Variants in MAP2K5 observed in about 807,000 individuals in gnomAD.
The protein encoded by MAP2K5 is mitogen-activated protein kinase kinase 5.
In MAP2K5, 49 loss-of-function variants were observed where a neutral mutation model predicts 83.1. That is an observed-to-expected ratio of 0.59 (90% CI 0.47 to 0.75). MAP2K5 has a LOEUF of 0.75. Among genes scored for constraint, MAP2K5 ranks in the 30% least tolerant of loss-of-function variants. The pLI, the probability that MAP2K5 is intolerant of heterozygous loss-of-function variation, is 0.00. For synonymous variants in MAP2K5, 202 were observed against 191.8 expected, an observed-to-expected ratio of 1.05 and a Z score of -0.44; for missense variants, 457 against 557.5, an observed-to-expected ratio of 0.82 and a Z score of 1.82.
chr15:67,639,266 C>G (rs2086663339), intron 9 of MAP2K5, among the ~76,000 whole-genome samples: 1 of 152,202 alleles, frequency 6.6e-6, no homozygotes, highest in Non-Finnish European at 1.5e-5. Context: ...CCTTACACCA[C>G]TCTAATCCAG....
Position 67,676,089 on chromosome 15 carries a change from AG to A in MAP2K5, c.847+11445del, listed in dbSNP as rs1304836009. On this transcript the variant is annotated intron_variant, in intron 13 of 21. Transcript: ENST00000178640. The surrounding 1 kb of genome is among the most constrained non-coding windows in gnomAD (Gnocchi z 4.8). ...AGTCTCTATAGTATCCATTAGGGTA[AG>A]CTTCTATCCAACCACCCAGCAAGAT... Among the ~76,000 whole-genome samples the A allele has an allele frequency of 2.6e-5, 4 of 152,156 alleles. No homozygotes were observed. Among genetic ancestry groups the A allele is most frequent in the African/African-American group, 9.7e-5 (4 of 41,428 alleles).
rs2090310565 is a variant in MAP2K5, at chr15:67,780,449, G to A, written c.1242+7697G>A. Among the ~76,000 whole-genome samples, 2 of 152,124 alleles carry A rather than the reference G, an allele frequency of 1.3e-5. No individual in the cohort carries two copies. Among genetic ancestry groups the A allele is most frequent in the Non-Finnish European group, 2.9e-5 (2 of 68,030 alleles). On this transcript the variant is annotated intron_variant, in intron 21 of 21. Coordinates refer to ENST00000178640, the MANE Select transcript of MAP2K5 (RefSeq NM_145160.3). This position sits in a 1 kb window ranked among gnomAD's most constrained non-coding sequence, Gnocchi z 5.0. ...CTGTCATTTAGGCAAAACAGTGTTG[G>A]TTGCACATGCTATTCTCTCTAATCC... is the stretch of plus-strand genomic sequence containing the variant.
Position 67,555,000 on chromosome 15 carries a change from T to C in MAP2K5, c.184+4918T>C, listed in dbSNP as rs111760319. 9.7e-3 allele frequency among the ~76,000 whole-genome samples: 1,485 copies of C among 152,334 alleles called. 30 individuals are homozygous for C. The highest frequency in any genetic ancestry group is 0.034 in the African/African-American group (1,422 of 41,566). ...AGGGGGTCAAACCTGAGGAGCTGTA[T>C]TCTTTCTGATTTCTTTTTCTGGGTG... On this transcript the variant is annotated intron_variant, in intron 2 of 21. Coordinates refer to ENST00000178640, the MANE Select transcript of MAP2K5 (RefSeq NM_145160.3).
chr15:67,761,856 A>T (rs1023864807), intron 19 of MAP2K5, among the ~76,000 whole-genome samples: 1 of 152,150 alleles, frequency 6.6e-6, no homozygotes, highest in Non-Finnish European at 1.5e-5. Flanking sequence ...TTTAATCAGC[A>T]CTTCTGTAGA....
chr15:67,662,915 T>G (rs1372951528), intron 12 of MAP2K5, among the ~76,000 whole-genome samples: 1 of 152,190 alleles, frequency 6.6e-6, no homozygotes, highest in Non-Finnish European at 1.5e-5. Flanking sequence ...CATTCTTTCC[T>G]GCCCCAATAT....
chr15:67,645,609 A>C (rs1230798530), intron 9 of MAP2K5, among the ~76,000 whole-genome samples: 2 of 152,188 alleles, frequency 1.3e-5, no homozygotes, highest in African/African-American at 4.8e-5. Flanking sequence ...GTGGGAGTGC[A>C]GAGGTGCAGT....
At position 67,802,417 on chromosome 15, in the gene MAP2K5, C is replaced by T. The variant is rs2090722610; in HGVS notation, c.1243-4229C>T. ...CACCTCCCGACTCTCCCCTGTGTCC[C>T]ACTTTTGGAGTCATCCTGCCTCTGG... On this transcript the variant is annotated intron_variant, in intron 21 of 21. Transcript: ENST00000178640. The surrounding 1 kb of genome is among the most constrained non-coding windows in gnomAD (Gnocchi z 5.0). Among the ~76,000 whole-genome samples, 1 of 152,256 alleles carries T rather than the reference C, an allele frequency of 6.6e-6. No individual in the cohort carries two copies. The highest frequency in any genetic ancestry group is 2.4e-5 in the African/African-American group (1 of 41,456).
In MAP2K5 at chr15:67,714,413, G is replaced by GAAAAAAAAA. The variant is rs2088777375; in HGVS notation, c.1044+11005_1044+11006insAAAAAAAAA. Among the ~76,000 whole-genome samples the GAAAAAAAAA allele has an allele frequency of 2.1e-4, 9 of 42,682 alleles. 4 individuals carry two copies. Among genetic ancestry groups the GAAAAAAAAA allele is most frequent in the African/African-American group, 7.1e-4 (9 of 12,740 alleles). 28.0% of individuals were successfully genotyped at this position (42,682 alleles called of 152,430 possible). ...CCCCCCACCCCTACCCAGCTGCCAG[G>GAAAAAAAAA]GAAAAAAAAAAAAAAAAAAAAAAAA... On this transcript the variant is annotated intron_variant, in intron 16 of 21. Coordinates refer to ENST00000178640, the MANE Select transcript of MAP2K5 (RefSeq NM_145160.3).
At chr15:67,549,377 C>T (rs2084462826) in intron 1 of MAP2K5, among the ~76,000 whole-genome samples, 1 of 152,210 alleles carries the variant, frequency 6.6e-6, no homozygotes, top group Non-Finnish European at 1.5e-5. Context: ...TTTTCTGTTG[C>T]TTAAGAGTAA....
chr15:67,590,460 T>C, intron 6 of MAP2K5, among the ~76,000 whole-genome samples: 1 of 109,344 alleles, frequency 9.1e-6, no homozygotes, highest in African/African-American at 3.4e-5. Flanking sequence ...TCTCTCTCTC[T>C]CTCTCTCTCT....
At chr15:67,789,398 C>A (rs996471762) in intron 21 of MAP2K5, among the ~76,000 whole-genome samples, 1 of 152,050 alleles carries the variant, frequency 6.6e-6, no homozygotes, top group African/African-American at 2.4e-5. Flanking sequence ...AGATTTTAAT[C>A]TTTGCCAACC....
At chr15:67,632,709 A>G (rs796619533) in intron 9 of MAP2K5, among the ~76,000 whole-genome samples, 2 of 152,222 alleles carry the variant, frequency 1.3e-5, no homozygotes, top group South Asian at 4.1e-4. Flanking sequence ...TAACAGTTGC[A>G]TAGTATATAT....
intron 15 of MAP2K5, 41 bp downstream of exon 15, chr15:67,693,609 C>A: frequency 7.3e-7 from 1 of 1,378,676 alleles, no homozygotes; most frequent in Non-Finnish European, 1.0e-6. Flanking sequence ...AAACCAACAT[C>A]TTTATCTTTA....
At chr15:67,707,268 TA>T (rs1235342210) in intron 16 of MAP2K5, among the ~76,000 whole-genome samples, 1 of 152,166 alleles carries the variant, frequency 6.6e-6, no homozygotes, top group African/African-American at 2.4e-5. Context: ...CTGAAGGGAT[TA>T]GGAAGTTAGT....
intron 8 of MAP2K5, among the ~76,000 whole-genome samples, chr15:67,601,434 G>A (rs1043644724): frequency 1.3e-5 from 2 of 152,126 alleles, no homozygotes; most frequent in South Asian, 4.1e-4. Flanking sequence ...GTCTGCAATG[G>A]TGTATGAAAA....
chr15:67,574,527 G>A (rs1317263986), intron 3 of MAP2K5, among the ~76,000 whole-genome samples: 3 of 151,226 alleles, frequency 2.0e-5, no homozygotes, highest in East Asian at 3.9e-4. Context: ...AGCCAGGATC[G>A]CACCATTGCA....
chr15:67,640,534 C>T lies in MAP2K5; in HGVS notation c.586-5697C>T. The T allele has an allele frequency of 1.0e-6, 1 of 975,968 alleles. No individual in the cohort carries two copies. The highest frequency in any genetic ancestry group is 4.7e-5 in the South Asian group (1 of 21,084). 60.5% of individuals were successfully genotyped at this position (975,968 alleles called of 1,614,324 possible). ...TGTCACAGAGGATTGTGAAGAGCAG[C>T]AAATCACAGTCCTTGTCCAAACTGA... On this transcript the variant is annotated intron_variant, in intron 9 of 21. Transcript: ENST00000178640. The surrounding 1 kb of genome is among the most constrained non-coding windows in gnomAD (Gnocchi z 4.6).
intron 11 of MAP2K5, among the ~76,000 whole-genome samples, chr15:67,653,428 A>G (rs7165255): frequency 0.99 from 150,915 of 152,086 alleles, 74,894 homozygotes; most frequent in Non-Finnish European, 1. Flanking sequence ...TGGGATTACA[A>G]GCACCCAGCT....
At chr15:67,659,016 C>A (rs963687482) in intron 12 of MAP2K5, 6 of 280,392 alleles carry the variant, frequency 2.1e-5, no homozygotes, top group Non-Finnish European at 3.5e-5. Flanking sequence ...TTATTAAGAA[C>A]AAAGTAGTAT....
Sources: gnomAD v4.1 joint callset for allele counts (sites outside exome capture counted in the v4.1 genomes callset) on GRCh38, gnomAD v4.1.1 for gene constraint, Gnocchi (gnomAD v3.1) non-coding constraint, MANE v1.5 for transcripts, NCBI Gene and HGNC (gene_info 2026-07-23, HGNC 2026-07-21) for gene names.